DPYD: variants seen among roughly 807,000 people sequenced by gnomAD.
The protein encoded by DPYD is dihydropyrimidine dehydrogenase [NADP(+)].
In DPYD, 109 loss-of-function variants were observed where a neutral mutation model predicts 116.2. The ratio of observed to expected loss-of-function variants is 0.94; its 90% CI spans 0.80 to 1.10. The LOEUF (loss-of-function observed/expected upper bound fraction) is 1.10, where lower values mean the gene tolerates loss of function less well. Ranked by LOEUF, DPYD falls within the 50% of genes least tolerant of loss-of-function variation. The pLI, the probability that DPYD is intolerant of heterozygous loss-of-function variation, is 0.00. For synonymous variants in DPYD, 440 were observed against 432.0 expected (o/e 1.02, Z -0.23); for missense variants, 1,302 against 1,254.5 (o/e 1.04, Z -0.57).
At chr1:97,446,553 A>G (rs1186041621) in intron 14 of DPYD, among the ~76,000 whole-genome samples, 1 of 152,160 alleles carries the variant, frequency 6.6e-6, no homozygotes, top group Admixed American at 6.5e-5. Flanking sequence ...GTATATTTAC[A>G]TATCAATTGT....
At chr1:97,496,557 A>G (rs1484955687) in intron 13 of DPYD, among the ~76,000 whole-genome samples, 1 of 152,040 alleles carries the variant, frequency 6.6e-6, no homozygotes, top group African/African-American at 2.4e-5. Flanking sequence ...TATTCTCACT[A>G]CATCATCCTT....
intron 5 of DPYD, among the ~76,000 whole-genome samples, chr1:97,705,546 G>T (rs1336068379): frequency 6.6e-6 from 1 of 151,826 alleles, no homozygotes; most frequent in African/African-American, 2.4e-5. Flanking sequence ...TTGGACATTT[G>T]GGTTGGTTCC....
At position 97,515,954 on chromosome 1, in the gene DPYD, A is replaced by C. The variant is rs372505997; in HGVS notation, c.1525-13T>G. On this transcript the variant is annotated splice_polypyrimidine_tract_variant and intron_variant, in intron 12 of 22. Coordinates refer to ENST00000370192, the MANE Select transcript of DPYD (RefSeq NM_000110.4). ...CTCCATATTGTGACTGCAAAATACA[A>C]ACCAATACTTGGTTTCATATTACAT... 1.1e-5 allele frequency: 18 copies of C among 1,610,022 alleles called. No individual in the cohort carries two copies. In the African/African-American group the frequency reaches 2.3e-4, roughly 20 times the overall value.
chr1:97,461,876 T>G lies in DPYD; in HGVS notation c.1741-11653A>C, dbSNP rs181539736. Among the ~76,000 whole-genome samples, 49 of 152,362 alleles carry G rather than the reference T, an allele frequency of 3.2e-4. No individual in the cohort carries two copies. In the East Asian group the frequency reaches 3.9e-3, roughly 12 times the overall value. On this transcript the variant is annotated intron_variant, in intron 13 of 22. Transcript: ENST00000370192. ...TTTATCACAAGGTTAAAATTAGCCT[T>G]GGAACAATAAATGCTTTCAAAGCTA...
intron 3 of DPYD, among the ~76,000 whole-genome samples, chr1:97,767,835 C>A (rs775387902): frequency 6.8e-6 from 1 of 147,814 alleles, no homozygotes; most frequent in Non-Finnish European, 1.5e-5. Context: ...AACTAACATC[C>A]AAATGTTTTA....
intron 16 of DPYD, among the ~76,000 whole-genome samples, chr1:97,349,120 C>A (rs1299765238): frequency 6.6e-6 from 1 of 152,080 alleles, no homozygotes; most frequent in East Asian, 1.9e-4. Flanking sequence ...ACTTTTCTAT[C>A]CTGCAGTTTC....
intron 22 of DPYD, among the ~76,000 whole-genome samples, chr1:97,080,440 T>C (rs528819640): frequency 1.3e-5 from 2 of 152,256 alleles, no homozygotes; most frequent in Non-Finnish European, 2.9e-5. Flanking sequence ...TTCTCTTTTA[T>C]GCACATATAA....
chr1:97,670,085 G>T (rs2100892512), intron 8 of DPYD, among the ~76,000 whole-genome samples: 1 of 152,258 alleles, frequency 6.6e-6, no homozygotes, highest in Non-Finnish European at 1.5e-5. Context: ...TAGCTTCATT[G>T]AATTACAGTG....
intron 14 of DPYD, among the ~76,000 whole-genome samples, chr1:97,386,252 A>G (rs1216726050): frequency 1.3e-5 from 2 of 150,774 alleles, no homozygotes; most frequent in African/African-American, 2.4e-5. Context: ...GCTTCTATCA[A>G]AATCCCTCAG....
intron 14 of DPYD, among the ~76,000 whole-genome samples, chr1:97,436,252 C>A (rs904607951): frequency 7.2e-5 from 11 of 151,878 alleles, no homozygotes; most frequent in African/African-American, 9.7e-5. Flanking sequence ...GTTGAGATCG[C>A]AACACGAATT....
Position 97,296,385 on chromosome 1 carries a change from T to A in DPYD, c.2299+8874A>T, listed in dbSNP as rs139605327. Among the ~76,000 whole-genome samples the A allele has an allele frequency of 6.8e-4, 103 of 152,302 alleles. 2 individuals are homozygous for A. In the East Asian group the frequency reaches 0.018, roughly 27 times the overall value. ...AATGACTATAATAAACTCCTTCCAG[T>A]TTATTTATTTAGATAAACAAGGATT... On this transcript the variant is annotated intron_variant, in intron 18 of 22. Transcript: ENST00000370192.
intron 18 of DPYD, among the ~76,000 whole-genome samples, chr1:97,252,910 C>T (rs1282319326): frequency 1.3e-5 from 2 of 151,824 alleles, no homozygotes. Context: ...TCATAAACTT[C>T]GAAATACAAA....
Position 97,709,303 on chromosome 1 carries a change from A to G in DPYD, c.484-9756T>C, listed in dbSNP as rs75189700. Among the ~76,000 whole-genome samples, 185 of 152,096 alleles carry G rather than the reference A, an allele frequency of 1.2e-3. 1 individual carries two copies. The highest frequency in any genetic ancestry group is 4.3e-3 in the East Asian group (22 of 5,172). On this transcript the variant is annotated intron_variant, in intron 5 of 22. Coordinates refer to ENST00000370192, the MANE Select transcript of DPYD (RefSeq NM_000110.4). ...AGTAGTAAAAGTCACCAAGGAAAAC[A>G]GTTCTACCTTAGTGATAATGAAGAA...
At chr1:97,396,911 A>G (rs1212661513) in intron 14 of DPYD, among the ~76,000 whole-genome samples, 1 of 149,478 alleles carries the variant, frequency 6.7e-6, no homozygotes, top group Non-Finnish European at 1.5e-5. Flanking sequence ...TTAATATTCA[A>G]GTGTGCTACA....
At chr1:97,862,108 G>A (rs942439903) in intron 2 of DPYD, among the ~76,000 whole-genome samples, 1 of 151,742 alleles carries the variant, frequency 6.6e-6, no homozygotes, top group Non-Finnish European at 1.5e-5. Context: ...AGGTCTTAAA[G>A]ATAACCACTA....
intron 10 of DPYD, among the ~76,000 whole-genome samples, chr1:97,584,758 A>G (rs1260472352): frequency 7.7e-6 from 1 of 130,670 alleles, no homozygotes; most frequent in Non-Finnish European, 1.6e-5. Flanking sequence ...ATGAGAACAC[A>G]TGGACACAGG....
intron 18 of DPYD, among the ~76,000 whole-genome samples, chr1:97,281,867 T>C (rs980879910): frequency 2.6e-5 from 4 of 152,146 alleles, no homozygotes; most frequent in Non-Finnish European, 5.9e-5. Flanking sequence ...CTCATCATTA[T>C]CTTTGAATTA....
chr1:97,873,965 C>T (rs1229147121), intron 2 of DPYD, among the ~76,000 whole-genome samples: 1 of 151,610 alleles, frequency 6.6e-6, no homozygotes, highest in African/African-American at 2.4e-5. Flanking sequence ...TGTTAGATGG[C>T]AATATGTTCT....
Position 97,315,504 on chromosome 1 carries a change from A to T in DPYD, c.2059-9207T>A, listed in dbSNP as rs375530559. Among the ~76,000 whole-genome samples the T allele has an allele frequency of 2.0e-5, 3 of 151,788 alleles. No homozygotes were observed. The East Asian group carries it at 5.9e-4, about 30-fold the overall frequency. On this transcript the variant is annotated intron_variant, in intron 16 of 22. Coordinates refer to ENST00000370192, the MANE Select transcript of DPYD (RefSeq NM_000110.4). Reference sequence around the variant, plus strand: ...TTTCACAAGCATTTCTCTCCAATAAACCTTTGGCCCTCCTAACTCCCTCTC... The same window carrying T: ...TTTCACAAGCATTTCTCTCCAATAATCCTTTGGCCCTCCTAACTCCCTCTC...
Sources: gnomAD v4.1 joint callset for allele counts (sites outside exome capture counted in the v4.1 genomes callset) on GRCh38, gnomAD v4.1.1 for gene constraint, MANE v1.5 for transcripts, NCBI Gene and HGNC (gene_info 2026-07-23, HGNC 2026-07-21) for gene names.